XKR6: variants seen among roughly 807,000 people sequenced by gnomAD.
The protein encoded by XKR6 is XK related 6.
A neutral mutation model predicts 56.7 loss-of-function variants in XKR6; 22 were observed. The ratio of observed to expected loss-of-function variants is 0.39; its 90% CI spans 0.28 to 0.55. XKR6 has a LOEUF of 0.55. XKR6 is among the 20% of genes least tolerant of loss of function. The pLI is 0.66. For missense variants in XKR6, 852 were observed against 889.0 expected, an observed-to-expected ratio of 0.96 and a Z score of 0.53; for synonymous variants, 524 against 387.8, an observed-to-expected ratio of 1.35 and a Z score of -4.13.
In XKR6 at chr8:11,043,343, G is replaced by A. The variant is rs116017031; in HGVS notation, c.765-118513C>T. Reference sequence around the variant, plus strand: ...TCAGCTCACATGCTTGGAGCTAAGCGGCTGGATGGCTGCAAGTCTAGGAAA... The same window carrying A: ...TCAGCTCACATGCTTGGAGCTAAGCAGCTGGATGGCTGCAAGTCTAGGAAA... On this transcript the variant is annotated intron_variant, in intron 1 of 2. Coordinates refer to ENST00000416569, the MANE Select transcript of XKR6 (RefSeq NM_173683.4). Among the ~76,000 whole-genome samples the A allele has an allele frequency of 7.3e-3, 1,106 of 152,088 alleles. 16 individuals carry two copies. The highest frequency in any genetic ancestry group is 0.025 in the African/African-American group (1,057 of 41,468).
chr8:11,144,676 G>C (rs1461500713), intron 1 of XKR6, among the ~76,000 whole-genome samples: 2 of 152,044 alleles, frequency 1.3e-5, no homozygotes, highest in African/African-American at 2.4e-5. Context: ...CCAAGTATAG[G>C]GTGAGGGCAA....
chr8:10,938,610 TAC>T (rs1424320510), intron 1 of XKR6, among the ~76,000 whole-genome samples: 1 of 152,242 alleles, frequency 6.6e-6, no homozygotes, highest in Admixed American at 6.5e-5. Context: ...GATAGTTATA[TAC>T]AGTGTGATTC....
At chr8:11,027,177 GGTAA>G (rs1798889277) in intron 1 of XKR6, among the ~76,000 whole-genome samples, 1 of 152,172 alleles carries the variant, frequency 6.6e-6, no homozygotes, top group Non-Finnish European at 1.5e-5. Flanking sequence ...GTAACACAGT[GGTAA>G]GTATTTGTGA....
Position 11,165,016 on chromosome 8 carries a change from C to T in XKR6, c.764+35560G>A, listed in dbSNP as rs1036408680. On this transcript the variant is annotated intron_variant, in intron 1 of 2. Coordinates refer to ENST00000416569, the MANE Select transcript of XKR6 (RefSeq NM_173683.4). ...CAGAGGTACCAACAGGGTTAAGATA[C>T]GCCTTGAATCCAAGAAAATCCCCTG... 7.3e-5 allele frequency among the ~76,000 whole-genome samples: 11 copies of T among 151,364 alleles called. No individual in the cohort carries two copies. The East Asian group carries it at 1.7e-3, about 24-fold the overall frequency.
intron 1 of XKR6, among the ~76,000 whole-genome samples, chr8:11,199,902 G>A (rs908041287): frequency 6.6e-6 from 1 of 151,886 alleles, no homozygotes; most frequent in Non-Finnish European, 1.5e-5. Context: ...AACACCAAAC[G>A]CTCGCGCCCA....
chr8:11,137,523 C>A, intron 1 of XKR6: 1 of 455,690 alleles, frequency 2.2e-6, no homozygotes, highest in South Asian at 1.6e-5. Context: ...GACGGCCAGG[C>A]AACTGCTGCG....
intron 1 of XKR6, among the ~76,000 whole-genome samples, chr8:10,982,825 T>A (rs1321625335): frequency 6.6e-6 from 1 of 152,102 alleles, no homozygotes; most frequent in African/African-American, 2.4e-5. Flanking sequence ...CAAGAACGTA[T>A]TCAGAGAGCG....
At chr8:11,049,427 C>T (rs1469832470) in intron 1 of XKR6, among the ~76,000 whole-genome samples, 1 of 152,118 alleles carries the variant, frequency 6.6e-6, no homozygotes, top group East Asian at 1.9e-4. Flanking sequence ...AGCCCCTGAC[C>T]CGGGGCTGGC....
intron 1 of XKR6, among the ~76,000 whole-genome samples, chr8:11,053,227 T>C (rs1375342228): frequency 1.3e-5 from 2 of 152,226 alleles, no homozygotes; most frequent in South Asian, 2.1e-4. Context: ...GTCATCTTGC[T>C]ACTTAAAAAA....
At chr8:10,941,470 C>T (rs1216594787) in intron 1 of XKR6, among the ~76,000 whole-genome samples, 1 of 152,228 alleles carries the variant, frequency 6.6e-6, no homozygotes, top group Non-Finnish European at 1.5e-5. Flanking sequence ...ACCCCATGCA[C>T]TGGGCTGTTG....
At chr8:10,992,727 A>C (rs1196590381) in intron 1 of XKR6, among the ~76,000 whole-genome samples, 1 of 152,198 alleles carries the variant, frequency 6.6e-6, no homozygotes, top group Non-Finnish European at 1.5e-5. Flanking sequence ...GTGACTGTGC[A>C]CCAAGTCAAT....
chr8:10,996,251 G>C (rs573035842), intron 1 of XKR6, among the ~76,000 whole-genome samples: 3 of 152,146 alleles, frequency 2.0e-5, no homozygotes, highest in Admixed American at 6.5e-5. Flanking sequence ...GGTGCTCCTG[G>C]GGGTGTGTGG....
intron 1 of XKR6, among the ~76,000 whole-genome samples, chr8:11,017,444 C>G (rs996116199): frequency 2.6e-5 from 4 of 152,276 alleles, no homozygotes; most frequent in African/African-American, 9.6e-5. Flanking sequence ...CCTGGAAACT[C>G]AAGTGCTGGC....
chr8:10,945,805 C>A lies in XKR6; in HGVS notation c.765-20975G>T, dbSNP rs143102652. Among the ~76,000 whole-genome samples the A allele has an allele frequency of 1.7e-3, 255 of 152,270 alleles. 5 individuals are homozygous for A. In the East Asian group the frequency reaches 0.038, roughly 23 times the overall value. ...TTCCCTTCTCCAGGCTCTGGCCTAG[C>A]GCCGCGTCTCTGCTGGGGAACCCGA... On this transcript the variant is annotated intron_variant, in intron 1 of 2. Transcript: ENST00000416569.
chr8:11,048,722 A>T (rs1160757417), intron 1 of XKR6, among the ~76,000 whole-genome samples: 1 of 152,128 alleles, frequency 6.6e-6, no homozygotes, highest in Non-Finnish European at 1.5e-5. Context: ...TCTGGTCTGC[A>T]GGGTTTGTGC....
chr8:10,921,203 G>T (rs1288889782), intron 2 of XKR6, among the ~76,000 whole-genome samples: 2 of 152,242 alleles, frequency 1.3e-5, no homozygotes, highest in African/African-American at 2.4e-5. Flanking sequence ...GAGATTTGGT[G>T]CCCAGCCCTT....
At chr8:11,113,237 G>A (rs1181625077) in intron 1 of XKR6, among the ~76,000 whole-genome samples, 1 of 152,178 alleles carries the variant, frequency 6.6e-6, no homozygotes, top group Non-Finnish European at 1.5e-5. Context: ...AGCTTAGTGT[G>A]AATCTGAACT....
At chr8:11,192,813 T>C (rs1390686342) in intron 1 of XKR6, among the ~76,000 whole-genome samples, 1 of 152,138 alleles carries the variant, frequency 6.6e-6, no homozygotes, top group Non-Finnish European at 1.5e-5. Context: ...TGGGCTCTCC[T>C]AACACAGGAG....
intron 1 of XKR6, among the ~76,000 whole-genome samples, chr8:10,973,105 G>T (rs1802455783): frequency 6.6e-6 from 1 of 152,336 alleles, no homozygotes; most frequent in South Asian, 2.1e-4. Context: ...AGATGATTCA[G>T]AATGTTCCCT....
Sources: gnomAD v4.1 joint callset for allele counts (sites outside exome capture counted in the v4.1 genomes callset) on GRCh38, gnomAD v4.1.1 for gene constraint, MANE v1.5 for transcripts, NCBI Gene and HGNC (gene_info 2026-07-23, HGNC 2026-07-21) for gene names.